Variants in ANKS1B observed in about 807,000 individuals in gnomAD.
The protein encoded by ANKS1B is ankyrin repeat and sterile alpha motif domain-containing protein 1B.
Under a neutral mutation model 148.3 loss-of-function variants are expected in ANKS1B, and 36 were observed. The ratio of observed to expected loss-of-function variants is 0.24; its 90% CI spans 0.19 to 0.32. The LOEUF (loss-of-function observed/expected upper bound fraction) is 0.32, where lower values mean the gene tolerates loss of function less well. ANKS1B is among the 10% of genes least tolerant of loss of function. The probability of loss-of-function intolerance (pLI) is 1.00; values close to 1 mark genes in which losing one functional copy is unlikely to be tolerated. For missense variants in ANKS1B, 1,157 were observed against 1,542.6 expected (o/e 0.75, Z 4.19); for synonymous variants, 542 against 560.8 (o/e 0.97, Z 0.47).
intron 15 of ANKS1B, among the ~76,000 whole-genome samples, chr12:99,090,547 A>G (rs997150598): frequency 1.3e-5 from 2 of 152,176 alleles, no homozygotes; most frequent in African/African-American, 4.8e-5. Flanking sequence ...TATTTAAAAT[A>G]GAATCACTGT....
At chr12:99,683,866 T>A (rs1179388611) in intron 8 of ANKS1B, among the ~76,000 whole-genome samples, 1 of 151,674 alleles carries the variant, frequency 6.6e-6, no homozygotes, top group African/African-American at 2.4e-5. Context: ...ATTAAAAACA[T>A]CATCTCAATA....
intron 8 of ANKS1B, among the ~76,000 whole-genome samples, chr12:99,693,805 G>C (rs12426041): frequency 6.8e-6 from 1 of 146,360 alleles, no homozygotes; most frequent in Non-Finnish European, 1.5e-5. Flanking sequence ...TTTTGAGATG[G>C]AATCTCGCTC....
At chr12:99,606,168 T>A (rs2097849831) in intron 9 of ANKS1B, among the ~76,000 whole-genome samples, 2 of 151,916 alleles carry the variant, frequency 1.3e-5, no homozygotes, top group Admixed American at 1.3e-4. Flanking sequence ...TTTCACCCAT[T>A]TTTTTTAGTG....
At chr12:99,069,231 G>A (rs545626675) in intron 16 of ANKS1B, among the ~76,000 whole-genome samples, 5 of 152,232 alleles carry the variant, frequency 3.3e-5, no homozygotes, top group Non-Finnish European at 5.9e-5. Context: ...GCTGGGTCTC[G>A]GGACACAAGG....
At chr12:98,809,510 C>T (rs1029334154) in intron 19 of ANKS1B, among the ~76,000 whole-genome samples, 2 of 152,130 alleles carry the variant, frequency 1.3e-5, no homozygotes, top group Non-Finnish European at 2.9e-5. Context: ...AATCCAGAGA[C>T]CACCTGTCAT....
intron 1 of ANKS1B, among the ~76,000 whole-genome samples, chr12:99,908,668 C>A (rs1035964241): frequency 1.3e-5 from 2 of 152,192 alleles, no homozygotes; most frequent in African/African-American, 4.8e-5. Context: ...GTCAATCTCT[C>A]ATCCACTGCA....
chr12:99,666,861 T>G (rs1055659722), intron 8 of ANKS1B, among the ~76,000 whole-genome samples: 22 of 124,992 alleles, frequency 1.8e-4, no homozygotes, highest in Admixed American at 3.8e-4. Context: ...CTATGGGGTG[T>G]GTGTGTGTGT....
At chr12:98,972,237 G>A (rs2099883768) in intron 17 of ANKS1B, among the ~76,000 whole-genome samples, 1 of 152,186 alleles carries the variant, frequency 6.6e-6, no homozygotes. Context: ...CCATTTCATT[G>A]CATTGTTTTG....
Position 99,460,647 on chromosome 12 carries a change from T to C in ANKS1B, c.1439-16838A>G, listed in dbSNP as rs1173067367. 7.2e-5 allele frequency among the ~76,000 whole-genome samples: 11 copies of C among 151,756 alleles called. No homozygotes were observed. The South Asian group carries it at 2.3e-3, about 32-fold the overall frequency. On this transcript the variant is annotated intron_variant, in intron 10 of 26. Coordinates refer to ENST00000683438, the MANE Select transcript of ANKS1B (RefSeq NM_001352186.2). Reference sequence around the variant, plus strand: ...AATGGCCAACAAACATATAAAAAAATGCTCAACATCACTAATGATCAGGGA... The same window carrying C: ...AATGGCCAACAAACATATAAAAAAACGCTCAACATCACTAATGATCAGGGA...
At chr12:99,700,112 T>A (rs971352630) in intron 8 of ANKS1B, among the ~76,000 whole-genome samples, 1 of 152,134 alleles carries the variant, frequency 6.6e-6, no homozygotes, top group African/African-American at 2.4e-5. Flanking sequence ...TTTTAAAATA[T>A]CAAAAAAATT....
intron 15 of ANKS1B, among the ~76,000 whole-genome samples, chr12:99,139,534 T>A (rs537528585): frequency 5.8e-4 from 82 of 141,872 alleles, no homozygotes; most frequent in African/African-American, 2.0e-3. Flanking sequence ...TGATTCAGCC[T>A]TCCAAACTGG....
intron 1 of ANKS1B, among the ~76,000 whole-genome samples, chr12:99,935,500 G>A (rs1390359749): frequency 6.6e-6 from 1 of 152,088 alleles, no homozygotes; most frequent in South Asian, 2.1e-4. Flanking sequence ...CCAAGACTAT[G>A]GTTTCCTCTT....
intron 12 of ANKS1B, among the ~76,000 whole-genome samples, chr12:99,349,872 T>A (rs945446797): frequency 6.6e-6 from 1 of 152,070 alleles, no homozygotes. Flanking sequence ...TAGATATGGA[T>A]GATGGATATA....
At position 99,372,631 on chromosome 12, in the gene ANKS1B, C is replaced by T. The variant is rs545010258; in HGVS notation, c.1756+27000G>A. Among the ~76,000 whole-genome samples the T allele has an allele frequency of 2.4e-4, 36 of 152,188 alleles. 1 individual carries two copies. Among genetic ancestry groups the T allele is most frequent in the African/African-American group, 8.2e-4 (34 of 41,538 alleles). On this transcript the variant is annotated intron_variant, in intron 12 of 26. Coordinates refer to ENST00000683438, the MANE Select transcript of ANKS1B (RefSeq NM_001352186.2). ...TTTGTCATACATAGAAAAATTGCTACATATTAGCTTCTTTCCCCACTTCCT... is the reference window on the plus strand; with the variant it reads ...TTTGTCATACATAGAAAAATTGCTATATATTAGCTTCTTTCCCCACTTCCT...
intron 10 of ANKS1B, among the ~76,000 whole-genome samples, chr12:99,455,100 C>T (rs755627305): frequency 1.3e-5 from 2 of 152,128 alleles, no homozygotes; most frequent in Non-Finnish European, 2.9e-5. Context: ...TTTGTCTTAA[C>T]AACCTATTCT....
chr12:99,061,921 G>T (rs1468815063), intron 16 of ANKS1B, among the ~76,000 whole-genome samples: 1 of 152,182 alleles, frequency 6.6e-6, no homozygotes, highest in Non-Finnish European at 1.5e-5. Flanking sequence ...CTATGCAAGG[G>T]ATAAGAGGAG....
At chr12:99,492,491 C>G (rs1372912298) in intron 10 of ANKS1B, among the ~76,000 whole-genome samples, 7 of 152,168 alleles carry the variant, frequency 4.6e-5, no homozygotes, top group African/African-American at 1.4e-4. Flanking sequence ...GAGCTGGTAC[C>G]ATTTCTACTG....
chr12:99,633,116 C>T (rs1363376639), intron 9 of ANKS1B, among the ~76,000 whole-genome samples: 1 of 151,768 alleles, frequency 6.6e-6, no homozygotes, highest in Non-Finnish European at 1.5e-5. Flanking sequence ...GCATAGTATT[C>T]CATGGTGTAT....
At chr12:98,756,022 G>C (rs1441297990) in intron 25 of ANKS1B, among the ~76,000 whole-genome samples, 1 of 152,118 alleles carries the variant, frequency 6.6e-6, no homozygotes, top group African/African-American at 2.4e-5. Flanking sequence ...GGGCCTCTAG[G>C]AACATTACTC....
Sources: gnomAD v4.1 joint callset for allele counts (sites outside exome capture counted in the v4.1 genomes callset) on GRCh38, gnomAD v4.1.1 for gene constraint, MANE v1.5 for transcripts, NCBI Gene and HGNC (gene_info 2026-07-23, HGNC 2026-07-21) for gene names.